The following MAP7D3 variants were observed in gnomAD, a reference collection of about 807,000 sequenced individuals.
MAP7D3 encodes the protein MAP7 domain containing 3.
In MAP7D3, 45 loss-of-function variants were observed where a neutral mutation model predicts 62.2. The ratio of observed to expected loss-of-function variants is 0.72; its 90% confidence interval spans 0.57 to 0.93. MAP7D3 has a LOEUF of 0.93. Among genes scored for constraint, MAP7D3 ranks in the 40% least tolerant of loss-of-function variants. The probability of loss-of-function intolerance (pLI) is 0.00; values close to 1 mark genes in which losing one functional copy is unlikely to be tolerated. For synonymous variants in MAP7D3, 288 were observed against 248.8 expected (o/e 1.16, Z -1.48); for missense variants, 711 against 683.1 (o/e 1.04, Z -0.45).
At position 136,227,298 on chromosome X, in the gene MAP7D3, C is replaced by T; in HGVS notation, c.2020G>A (p.Glu674Lys). ...AGTCAGCAAACCTGCAGTGGTGCTT[C>T]CTGGTCTTCCTGATCCAGCCATCCT... is the stretch of plus-strand genomic sequence containing the variant. ...KKGWLDQEDQ[E>K]APLQKGDAKI... The change falls in exon 12 of 19, where the codon GAA becomes AAA. Residue 674 changes from glutamate to lysine, a missense_variant. Glu to Lys is a moderately conservative substitution (Grantham distance 56). Transcript: ENST00000316077. The T allele has an allele frequency of 8.3e-7, 1 of 1,208,765 alleles. No homozygotes were observed. Among genetic ancestry groups the T allele is most frequent in the Non-Finnish European group, 1.1e-6 (1 of 894,538 alleles).
At chrX:136,216,312 G>A (rs1309200548), downstream of MAP7D3, among the ~76,000 whole-genome samples, 1 of 86,632 alleles carries the variant, frequency 1.2e-5, no homozygotes, top group Non-Finnish European at 2.1e-5. Flanking sequence ...ATCACTTGAG[G>A]CCAGGAGTGC....
In MAP7D3 at chrX:136,241,258, A is replaced by C. The variant is rs2074386667; in HGVS notation, c.437T>G (p.Leu146Arg). The change falls in exon 5 of 19, where the codon CTT becomes CGT. Residue 146 changes from leucine (L) to arginine (R), a missense_variant. Physicochemically the swap from Leu to Arg is moderately radical, Grantham distance 102. Coordinates refer to ENST00000316077, the MANE Select transcript of MAP7D3 (RefSeq NM_024597.4). ...EAQKEKFTAI[L>R]YRTLERRRLA... The stretch of plus-strand genomic sequence containing the variant: ...TCTCCTCCGTTCCAAAGTACGATAA[A>C]GAATGGCTGTAAATTTTTCCTATTT... 1 of 1,135,424 alleles carries C rather than the reference A, an allele frequency of 8.8e-7. No individual in the cohort carries two copies. The highest frequency in any genetic ancestry group is 1.8e-5 in the African/African-American group (1 of 55,182). 93.6% of individuals were successfully genotyped at this position (1,135,424 alleles called of 1,213,427 possible).
chrX:136,245,616 G>A (rs1193971603), intron 3 of MAP7D3, among the ~76,000 whole-genome samples: 10 of 110,188 alleles, frequency 9.1e-5, no homozygotes, highest in Admixed American at 4.8e-4. Flanking sequence ...GTGTGGTGGC[G>A]GGTGACTGTA....
chrX:136,235,630 T>A (rs2074320943), intron 7 of MAP7D3, among the ~76,000 whole-genome samples: 1 of 110,455 alleles, frequency 9.1e-6, no homozygotes, highest in South Asian at 3.9e-4. Flanking sequence ...GCGCCTATAA[T>A]CCCAGCTACT....
intron 5 of MAP7D3, 104 bp from the exon 6 acceptor site, chrX:136,240,590 C>T (rs2074378756): frequency 2.0e-6 from 1 of 508,340 alleles, no homozygotes; most frequent in Admixed American, 3.2e-5. Context: ...GGAGCACAGA[C>T]TTACATTACT....
chrX:136,240,440 AG>A lies in MAP7D3; in HGVS notation c.581del (p.Ser194LeufsTer3). 1 of 1,207,669 alleles carries A rather than the reference AG, an allele frequency of 8.3e-7. No individual in the cohort carries two copies. The highest frequency in any genetic ancestry group is 1.1e-6 in the Non-Finnish European group (1 of 891,688). ...ACAAAGGCATTTGTCTGATTAAAGC[AG>A]AAGTACCCTGTTCAAGTTTTTCAGT... ...ASTEKLEQGT[S>X]ALIRQMPLSS... On this transcript the variant is annotated frameshift_variant, in exon 6 of 19. Coordinates refer to ENST00000316077, the MANE Select transcript of MAP7D3 (RefSeq NM_024597.4). LOFTEE classifies it high-confidence loss of function.
rs369264432 is a variant in MAP7D3, at chrX:136,230,373, G to C, written c.1750+12C>G. ...GTGTTGCTAAGATAAACTTCTTAGT[G>C]AAAGAACTTACCTTCATAGATCATA... On this transcript the variant is annotated intron_variant, in intron 10 of 18. Transcript: ENST00000316077. 9.3e-7 allele frequency: 1 copy of C among 1,075,018 alleles called. No individual in the cohort carries two copies. The highest frequency in any genetic ancestry group is 1.9e-5 in the African/African-American group (1 of 53,982). The allele number at this position is 1,075,018 out of a possible 1,213,427, so 88.6% of individuals were successfully genotyped here.
intron 5 of MAP7D3, 113 bp from the exon 6 acceptor site, chrX:136,240,599 C>T: frequency 2.1e-6 from 1 of 486,288 alleles, no homozygotes; most frequent in South Asian, 3.6e-5. Context: ...ACTTACATTA[C>T]TCAAGTTCAC....
chrX:136,227,372 T>C lies in MAP7D3; in HGVS notation c.1946A>G (p.His649Arg), dbSNP rs751811096. 2.5e-6 allele frequency: 3 copies of C among 1,194,648 alleles called. No homozygotes were observed. The African/African-American group carries it at 5.4e-5, about 22-fold the overall frequency. ...TTGCTGCCCATCTTTGAGTTTCAAG[T>C]GGTCTTCTGCTTGGCCTCCAACTGC... ...KEAVGGQAED[H>R]LKLKDGQQQN... The change falls in exon 12 of 19, where the codon CAC becomes CGC. Residue 649 changes from histidine to arginine, a missense_variant. Transcript: ENST00000316077.
chrX:136,225,456 G>A (rs1379487689), intron 13 of MAP7D3, among the ~76,000 whole-genome samples: 1 of 111,858 alleles, frequency 8.9e-6, no homozygotes, highest in Non-Finnish European at 1.9e-5. Context: ...CAGCAACTCA[G>A]CCTGGACCAG....
Position 136,219,622 on chromosome X carries a change from C to G in MAP7D3, c.2536G>C (p.Asp846His). The G allele has an allele frequency of 8.3e-7, 1 of 1,208,158 alleles. No individual in the cohort carries two copies. Among genetic ancestry groups the G allele is most frequent in the Non-Finnish European group, 1.1e-6 (1 of 892,126 alleles). Reference protein sequence around the residue: ...TSHTTKTRKADETNTTSRSSA... With the variant: ...TSHTTKTRKAHETNTTSRSSA... ...GATCTGCTGGTGGTGTTGGTTTCAT[C>G]CGCCTTTCTGGTTTTCGTTGTGTGA... is the stretch of plus-strand genomic sequence containing the variant. Residue 846 changes from aspartate to histidine, a missense_variant, in exon 17 of 19, where the codon GAT becomes CAT. By Grantham distance (81) the Asp-to-His change is moderately conservative. Transcript: ENST00000316077.
chrX:136,246,495 T>C (rs1386601796), intron 1 of MAP7D3, among the ~76,000 whole-genome samples, 154 bp from the exon 2 acceptor site: 3 of 112,312 alleles, frequency 2.7e-5, no homozygotes, highest in African/African-American at 9.7e-5. Context: ...CAAAGATATA[T>C]TGAACACCTA....
In MAP7D3 at chrX:136,219,447, C is replaced by T. The variant is rs1386038447; in HGVS notation, c.2614G>A (p.Asp872Asn). ...TTCTTCTCTTATTGTCTAAAGGTGTCTGAGGACTTTGGCAAGATGTCATGG... is the reference window on the plus strand; with the variant it reads ...TTCTTCTCTTATTGTCTAAAGGTGTTTGAGGACTTTGGCAAGATGTCATGG... ...GFHDILPKSSDTFRQ is the reference protein window; with the variant it reads ...GFHDILPKSSNTFRQ The change falls in exon 18 of 19, where the codon GAC (aspartate) becomes AAC (asparagine). Residue 872 changes from aspartate to asparagine, a missense_variant. Coordinates refer to ENST00000316077, the MANE Select transcript of MAP7D3 (RefSeq NM_024597.4). The T allele has an allele frequency of 1.7e-6, 2 of 1,205,812 alleles. No individual in the cohort carries two copies. Among genetic ancestry groups the T allele is most frequent in the South Asian group, 3.5e-5 (2 of 56,636 alleles).
At chrX:136,255,928 G>T (rs1425661924), upstream of MAP7D3, 6 of 258,241 alleles carry the variant, frequency 2.3e-5, no homozygotes, top group Non-Finnish European at 3.2e-5. Context: ...TCTATTAAAA[G>T]ATGAAGTTTT....
At chrX:136,229,844 A>G (rs1167004215) in intron 10 of MAP7D3, among the ~76,000 whole-genome samples, 1 of 104,552 alleles carries the variant, frequency 9.6e-6, no homozygotes, top group Non-Finnish European at 2.0e-5. Flanking sequence ...GGGACTACAG[A>G]TGTGTACCAC....
chrX:136,214,712 G>C (rs2074050641), downstream of MAP7D3: 1 of 112,079 alleles, frequency 8.9e-6, no homozygotes. Context: ...TTAGGGATTG[G>C]AGCTGTTAAA....
At chrX:136,224,008 C>T (rs1048714161) in intron 14 of MAP7D3, among the ~76,000 whole-genome samples, 15 of 97,244 alleles carry the variant, frequency 1.5e-4, no homozygotes, top group Non-Finnish European at 2.6e-4. Context: ...GCCATGATTG[C>T]GCCACTGTGT....
chrX:136,252,617 C>T (rs1197006621), upstream of MAP7D3, among the ~76,000 whole-genome samples: 2 of 82,649 alleles, frequency 2.4e-5, no homozygotes, highest in Non-Finnish European at 4.3e-5. Flanking sequence ...GTGGAGTTTG[C>T]AGTGAGCCAT....
At chrX:136,252,705 GAAAAGA>G (rs1187792734), upstream of MAP7D3, among the ~76,000 whole-genome samples, 5 of 63,496 alleles carry the variant, frequency 7.9e-5, no homozygotes, top group South Asian at 1.7e-3. Flanking sequence ...AAAAAGAAAA[GAAAAGA>G]AAAAGAAAAA....
Sources: gnomAD v4.1 joint callset for allele counts (sites outside exome capture counted in the v4.1 genomes callset) on GRCh38, gnomAD v4.1.1 for gene constraint, MANE v1.5 for transcripts, NCBI Gene and HGNC (gene_info 2026-07-23, HGNC 2026-07-21) for gene names.